NLRP14: variants seen among roughly 807,000 people sequenced by gnomAD.
The protein encoded by NLRP14 is NLR family pyrin domain containing 14.
In NLRP14, 105 loss-of-function variants were observed where a neutral mutation model predicts 94.7. The observed-to-expected ratio is 1.11, with a 90% CI of 0.95 to 1.30. The LOEUF is 1.30. Ranked by LOEUF, NLRP14 falls within the 50% of genes most tolerant of loss-of-function variation. The pLI is 0.00. For missense variants in NLRP14, 1,362 were observed against 1,254.1 expected, an observed-to-expected ratio of 1.09 and a Z score of -1.30; for synonymous variants, 508 against 459.9, an observed-to-expected ratio of 1.10 and a Z score of -1.34.
In NLRP14 at chr11:7,043,274, T is replaced by G; in HGVS notation, c.1248T>G (p.Pro416=). The part of the protein sequence containing the change: ...SLFTPVDGGS[P]SLPNQAQLRR... ...TCACACCAGTAGATGGAGGCTCTCCTAGTCTACCCAACCAAGCCCAGCTGA... is the reference window on the plus strand; with the variant it reads ...TCACACCAGTAGATGGAGGCTCTCCGAGTCTACCCAACCAAGCCCAGCTGA... The change falls in exon 4 of 12, where the codon CCT becomes CCG. Residue 416 remains proline (P), a synonymous_variant. Transcript: ENST00000299481. The G allele has an allele frequency of 6.2e-7, 1 of 1,614,188 alleles. No individual in the cohort carries two copies. The highest frequency in any genetic ancestry group is 8.5e-7 in the Non-Finnish European group (1 of 1,180,028).
At chr11:7,024,719 G>T (rs566519255) in intron 1 of NLRP14, among the ~76,000 whole-genome samples, 2 of 152,106 alleles carry the variant, frequency 1.3e-5, no homozygotes, top group East Asian at 3.9e-4. Flanking sequence ...TCTCTAATAA[G>T]CTTAGAACAT....
Position 7,042,846 on chromosome 11 carries a change from G to A in NLRP14, c.820G>A (p.Ala274Thr). ...CTTTGCCTTTGAAGAACCTGAGTTT[G>A]CACTGTGCGAAGACTGGACCCAAGA... ...LNFAFEEPEF[A>T]LCEDWTQEHP... Residue 274 changes from alanine (A) to threonine (T), a missense_variant, in exon 4 of 12, where the codon GCA becomes ACA. Transcript: ENST00000299481. 6.2e-7 allele frequency: 1 copy of A among 1,614,188 alleles called. No individual in the cohort carries two copies. Among genetic ancestry groups the A allele is most frequent in the Non-Finnish European group, 8.5e-7 (1 of 1,180,034 alleles).
chr11:7,089,698 C>T, the NLRP14 span: 4 of 1,519,004 alleles, frequency 2.6e-6, no homozygotes, highest in Non-Finnish European at 2.6e-6. Context: ...TACTCAGGCC[C>T]ACCGCGCCGG....
the NLRP14 span, chr11:7,090,336 CGAAACTAACAAAAA>C: frequency 6.5e-7 from 1 of 1,549,058 alleles, no homozygotes; most frequent in Non-Finnish European, 8.7e-7. Flanking sequence ...CCCTTTTCAA[CGAAACTAACAAAAA>C]GAAGAACCTG....
intron 1 of NLRP14, among the ~76,000 whole-genome samples, chr11:7,021,497 T>G (rs934458835): frequency 6.6e-6 from 1 of 152,184 alleles, no homozygotes; most frequent in Non-Finnish European, 1.5e-5. Context: ...GCATAGCATT[T>G]TAAAAATGTG....
Position 7,043,434 on chromosome 11 carries a change from G to A in NLRP14, c.1408G>A (p.Ala470Thr), listed in dbSNP as rs772350524. 1.9e-5 allele frequency: 31 copies of A among 1,613,996 alleles called. No homozygotes were observed. The highest frequency in any genetic ancestry group is 1.7e-4 in the African/African-American group (13 of 74,914). Residue 470 changes from alanine (A) to threonine (T), a missense_variant, in exon 4 of 12, where the codon GCA becomes ACA. Ala to Thr is a moderately conservative substitution (Grantham distance 58). Transcript: ENST00000299481. ...GGACAGCAATATTATTCAGAAGGAC[G>A]CAGAGTATGAAAACTGCTATGTGTT... ...FMDSNIIQKD[A>T]EYENCYVFTH...
chr11:7,046,248 C>A (rs1430034525), intron 4 of NLRP14, among the ~76,000 whole-genome samples: 2 of 152,060 alleles, frequency 1.3e-5, no homozygotes, highest in Non-Finnish European at 2.9e-5. Flanking sequence ...AAGTGGTAGA[C>A]CTGGGGCTCA....
intron 10 of NLRP14, among the ~76,000 whole-genome samples, chr11:7,065,697 T>C (rs1186390423): frequency 6.6e-6 from 1 of 152,126 alleles, no homozygotes; most frequent in Admixed American, 6.6e-5. Flanking sequence ...CCTAGTTTTC[T>C]AGGAGTATTC....
intron 4 of NLRP14, among the ~76,000 whole-genome samples, chr11:7,046,200 T>C (rs1589863857): frequency 6.6e-6 from 1 of 152,204 alleles, no homozygotes; most frequent in Non-Finnish European, 1.5e-5. Context: ...TTGCAAGTTA[T>C]AGAACTTATG....
At chr11:7,062,850 A>G (rs1481728909) in intron 10 of NLRP14, among the ~76,000 whole-genome samples, 3 of 152,082 alleles carry the variant, frequency 2.0e-5, no homozygotes, top group African/African-American at 7.2e-5. Context: ...ATTATCTTCT[A>G]TCTGTAAAAT....
chr11:7,044,018 C>A (rs1359627131), intron 4 of NLRP14, 34 bp downstream of exon 4: 1 of 1,602,328 alleles, frequency 6.2e-7, no homozygotes, highest in South Asian at 1.1e-5. Flanking sequence ...TGGAAGTGCC[C>A]TGTAAGGGAG....
At chr11:7,049,629 G>A in intron 5 of NLRP14, 42 bp from the exon 6 acceptor site, 1 of 1,395,958 alleles carries the variant, frequency 7.2e-7, no homozygotes. Flanking sequence ...ACCAAGGAGA[G>A]AAATGGTTTT....
chr11:7,081,237 A>G, the NLRP14 span, among the ~76,000 whole-genome samples: 1 of 152,094 alleles, frequency 6.6e-6, no homozygotes, highest in East Asian at 1.9e-4. Flanking sequence ...CCTTGTCCCA[A>G]ATGGTGATGC....
chr11:7,031,310 G>A (rs1192278593), intron 1 of NLRP14, among the ~76,000 whole-genome samples: 1 of 152,154 alleles, frequency 6.6e-6, no homozygotes, highest in Non-Finnish European at 1.5e-5. Context: ...TCCATCCAGC[G>A]TCCACATTCT....
intron 3 of NLRP14, among the ~76,000 whole-genome samples, chr11:7,040,365 G>A (rs1436099929): frequency 1.3e-5 from 2 of 152,192 alleles, no homozygotes; most frequent in African/African-American, 4.8e-5. Flanking sequence ...TCTCATAGGA[G>A]CACGAACCCT....
chr11:7,039,195 A>G (rs1164742973), intron 2 of NLRP14, among the ~76,000 whole-genome samples: 1 of 152,180 alleles, frequency 6.6e-6, no homozygotes, highest in African/African-American at 2.4e-5. Flanking sequence ...TAAGTTAGGC[A>G]ACATTTTGAG....
At chr11:7,026,401 G>A (rs1345174732) in intron 1 of NLRP14, among the ~76,000 whole-genome samples, 9 of 152,066 alleles carry the variant, frequency 5.9e-5, no homozygotes, top group Non-Finnish European at 1.0e-4. Context: ...AGACACATGA[G>A]AAAATGCTCA....
At chr11:7,046,311 C>T (rs1852348536) in intron 4 of NLRP14, among the ~76,000 whole-genome samples, 1 of 152,146 alleles carries the variant, frequency 6.6e-6, no homozygotes, top group Non-Finnish European at 1.5e-5. Context: ...ACCCACTAAT[C>T]CTAATCATAT....
intron 1 of NLRP14, among the ~76,000 whole-genome samples, chr11:7,033,677 G>A (rs1433808991): frequency 6.6e-6 from 1 of 152,020 alleles, no homozygotes; most frequent in Admixed American, 6.6e-5. Context: ...TCTGTTTTTG[G>A]TTGGCCATTT....
Sources: gnomAD v4.1 joint callset for allele counts (sites outside exome capture counted in the v4.1 genomes callset) on GRCh38, gnomAD v4.1.1 for gene constraint, MANE v1.5 for transcripts, NCBI Gene and HGNC (gene_info 2026-07-23, HGNC 2026-07-21) for gene names.